The following CLIP4 variants were observed in gnomAD, a reference collection of about 807,000 sequenced individuals.
CLIP4 encodes CAP-Gly domain containing linker protein family member 4.
A neutral mutation model predicts 73.1 loss-of-function variants in CLIP4; 47 were observed. That is an observed-to-expected ratio of 0.64 (90% CI 0.51 to 0.82). The LOEUF (loss-of-function observed/expected upper bound fraction) is 0.82. Among genes scored for constraint, CLIP4 ranks in the 40% least tolerant of loss-of-function variants. CLIP4 has a pLI of 0.00. For missense variants in CLIP4, 874 were observed against 852.9 expected, an observed-to-expected ratio of 1.02 and a Z score of -0.31; for synonymous variants, 306 against 295.4, an observed-to-expected ratio of 1.04 and a Z score of -0.37.
chr2:29,135,653 A>T lies in CLIP4; in HGVS notation c.635A>T (p.Asn212Ile). Residue 212 changes from asparagine to isoleucine, a missense_variant, in exon 6 of 16, where the codon AAT (asparagine) becomes ATT (isoleucine). Asn to Ile is a moderately radical substitution (Grantham distance 149). Transcript: ENST00000320081. ...AVKCLLEQGA[N>I]PAFRNDKGQI... ...AAGTGCCTCTTGGAGCAGGGAGCAA[A>T]TCCTGCATTTAGGGTAAGAGGTTAA... 1 of 1,604,512 alleles carries T rather than the reference A, an allele frequency of 6.2e-7. No homozygotes were observed. The highest frequency in any genetic ancestry group is 1.7e-5 in the Admixed American group (1 of 58,532).
chr2:29,148,124 T>A (rs779976807), intron 8 of CLIP4, among the ~76,000 whole-genome samples: 1 of 152,136 alleles, frequency 6.6e-6, no homozygotes, highest in African/African-American at 2.4e-5. Flanking sequence ...AAAGGCAAGT[T>A]GTGGGGCAGG....
intron 10 of CLIP4, 44 bp from the exon 11 acceptor site, chr2:29,157,160 A>G (rs1666978725): frequency 6.4e-7 from 1 of 1,562,062 alleles, no homozygotes; most frequent in East Asian, 2.2e-5. Flanking sequence ...TTCTTGGTCC[A>G]CATCTTATTT....
chr2:29,173,639 T>A (rs34623614), intron 14 of CLIP4, among the ~76,000 whole-genome samples: 70,569 of 152,042 alleles, frequency 0.46, 17,566 homozygotes, highest in East Asian at 0.91. Context: ...TAGTATTTTT[T>A]AAAAATTATA....
chr2:29,126,665 C>T (rs547879783), intron 2 of CLIP4, among the ~76,000 whole-genome samples: 3 of 152,206 alleles, frequency 2.0e-5, no homozygotes, highest in East Asian at 1.9e-4. Context: ...CAGTTTCTAC[C>T]GATGGACTTT....
At position 29,157,298 on chromosome 2, in the gene CLIP4, C is replaced by G; in HGVS notation, c.1350C>G (p.Asn450Lys). The G allele has an allele frequency of 6.2e-7, 1 of 1,614,124 alleles. No homozygotes were observed. The highest frequency in any genetic ancestry group is 8.5e-7 in the Non-Finnish European group (1 of 1,179,972). The change falls in exon 11 of 16, where the codon AAC (asparagine) becomes AAG (lysine). Residue 450 changes from asparagine to lysine, a missense_variant. Coordinates refer to ENST00000320081, the MANE Select transcript of CLIP4 (RefSeq NM_024692.6). ...AGAAACAGAATGCAATCAGCAGTAA[C>G]AAGAAGACAATGAGCAAAAGCCCTT... ...YPKKQNAISS[N>K]KKTMSKSPSL...
intron 1 of CLIP4, among the ~76,000 whole-genome samples, chr2:29,107,372 T>TTTGTTTTTTTTTTTTTTG (rs1668250688): frequency 1.6e-5 from 2 of 124,608 alleles, no homozygotes; most frequent in African/African-American, 6.2e-5. Context: ...TTTTTTTTTT[T>TTTGTTTTTTTTTTTTTTG]TTTTTTTTTT....
chr2:29,111,031 A>G (rs980802878), upstream of CLIP4, among the ~76,000 whole-genome samples: 5 of 152,162 alleles, frequency 3.3e-5, no homozygotes, highest in Admixed American at 1.3e-4. Flanking sequence ...GTGAATGAGA[A>G]ACTGACTTCC....
intron 6 of CLIP4, among the ~76,000 whole-genome samples, chr2:29,140,266 T>G (rs1665667889): frequency 6.6e-6 from 1 of 152,124 alleles, no homozygotes; most frequent in Non-Finnish European, 1.5e-5. Flanking sequence ...AGTGTGATGT[T>G]CCCCTTCCTG....
intron 8 of CLIP4, among the ~76,000 whole-genome samples, chr2:29,145,943 A>C (rs561499220): frequency 1.3e-5 from 2 of 152,306 alleles, no homozygotes; most frequent in African/African-American, 4.8e-5. Flanking sequence ...TGGCCTCCCA[A>C]AGTGCAGGGA....
rs1247799262 is a variant in CLIP4, at chr2:29,131,314, A to G, written c.190A>G (p.Lys64Glu). The G allele has an allele frequency of 3.1e-6, 5 of 1,610,762 alleles. No homozygotes were observed. Among genetic ancestry groups the G allele is most frequent in the South Asian group, 2.2e-5 (2 of 89,950 alleles). The change falls in exon 3 of 16, where the codon AAA becomes GAA. Residue 64 changes from lysine (K) to glutamate (E), a missense_variant. Coordinates refer to ENST00000320081, the MANE Select transcript of CLIP4 (RefSeq NM_024692.6). ...ATGCCAGGAAATTCTTTTTGATCCC[A>G]AAACTTCAGTTTCAGAATTATTTGC... ...ASCQEILFDP[K>E]TSVSELFAIL...
At chr2:29,178,999 T>A (rs1479830214) in intron 15 of CLIP4, among the ~76,000 whole-genome samples, 1 of 152,260 alleles carries the variant, frequency 6.6e-6, no homozygotes, top group Non-Finnish European at 1.5e-5. Context: ...TTCACCATGC[T>A]GGCCAGGCTG....
chr2:29,138,364 C>G (rs1430924293), intron 6 of CLIP4, among the ~76,000 whole-genome samples: 1 of 151,798 alleles, frequency 6.6e-6, no homozygotes, highest in Non-Finnish European at 1.5e-5. Flanking sequence ...GTCTATATGT[C>G]TATTTTTTTT....
At chr2:29,171,211 G>A (rs2148091750) in intron 14 of CLIP4, among the ~76,000 whole-genome samples, 1 of 152,222 alleles carries the variant, frequency 6.6e-6, no homozygotes, top group South Asian at 2.1e-4. Flanking sequence ...TTAATATTTA[G>A]TCTTTTTACC....
chr2:29,143,617 A>T, intron 6 of CLIP4, 92 bp from the exon 7 acceptor site: 2 of 834,438 alleles, frequency 2.4e-6, no homozygotes. Flanking sequence ...TGATGAATGA[A>T]TTTAACGTAA....
At chr2:29,163,376 G>A (rs1051851826) in intron 12 of CLIP4, among the ~76,000 whole-genome samples, 3 of 151,916 alleles carry the variant, frequency 2.0e-5, no homozygotes, top group African/African-American at 7.3e-5. Flanking sequence ...TTAATTATTT[G>A]AGCACTGTTT....
Position 29,135,583 on chromosome 2 carries a change from A to G in CLIP4, c.565A>G (p.Thr189Ala), listed in dbSNP as rs1665293256. 1 of 1,608,732 alleles carries G rather than the reference A, an allele frequency of 6.2e-7. No homozygotes were observed. The highest frequency in any genetic ancestry group is 8.5e-7 in the Non-Finnish European group (1 of 1,178,030). Reference sequence around the variant, plus strand: ...CACTTGCAGTGATTTTAATTTTGGAACAGCTTTGCATATTGCAGCATACAA... The same window carrying G: ...CACTTGCAGTGATTTTAATTTTGGAGCAGCTTTGCATATTGCAGCATACAA... ...DATCSDFNFG[T>A]ALHIAAYNLC... Residue 189 changes from threonine (T) to alanine (A), a missense_variant, in exon 6 of 16, where the codon ACA becomes GCA. Thr to Ala is a moderately conservative substitution (Grantham distance 58). Coordinates refer to ENST00000320081, the MANE Select transcript of CLIP4 (RefSeq NM_024692.6).
intron 2 of CLIP4, chr2:29,130,109 A>T: frequency 2.1e-6 from 1 of 470,230 alleles, no homozygotes; most frequent in Non-Finnish European, 4.4e-6. Flanking sequence ...AGGAGAGCTC[A>T]GATTCAAAAG....
At chr2:29,153,254 G>A (rs567398565) in intron 9 of CLIP4, among the ~76,000 whole-genome samples, 49 of 152,202 alleles carry the variant, frequency 3.2e-4, no homozygotes, top group Non-Finnish European at 6.2e-4. Flanking sequence ...TTCCATAGGT[G>A]AACTATGGAA....
At chr2:29,131,463 C>T in intron 3 of CLIP4, 66 bp downstream of exon 3, 1 of 1,486,982 alleles carries the variant, frequency 6.7e-7, no homozygotes, top group Non-Finnish European at 9.0e-7. Flanking sequence ...TTTTTTTCCC[C>T]ATCTGAAAGG....
Sources: allele counts gnomAD v4.1 joint callset (sites outside exome capture counted in the v4.1 genomes callset), GRCh38; gene constraint gnomAD v4.1.1; transcripts MANE v1.5; gene names NCBI Gene and HGNC (gene_info 2026-07-23, HGNC 2026-07-21).